DENND1A: variants seen among roughly 807,000 people sequenced by gnomAD.
DENND1A encodes DENN domain-containing protein 1A.
A neutral mutation model predicts 113.7 loss-of-function variants in DENND1A; 51 were observed. That is an observed-to-expected ratio of 0.45 (90% CI 0.36 to 0.57). DENND1A has a LOEUF of 0.57. Among genes scored for constraint, DENND1A ranks in the 20% least tolerant of loss-of-function variants. The pLI is 0.00. For missense variants in DENND1A, 1,258 were observed against 1,395.9 expected, an observed-to-expected ratio of 0.90 and a Z score of 1.57; for synonymous variants, 565 against 570.8, an observed-to-expected ratio of 0.99 and a Z score of 0.14.
intron 2 of DENND1A, among the ~76,000 whole-genome samples, chr9:123,833,265 G>T (rs1317513808): frequency 6.6e-6 from 1 of 151,850 alleles, no homozygotes; most frequent in East Asian, 1.9e-4. Flanking sequence ...GTCTTGACCT[G>T]GATGTTTTAA....
At chr9:123,538,906 T>A (rs1340411844) in intron 13 of DENND1A, among the ~76,000 whole-genome samples, 6 of 142,678 alleles carry the variant, frequency 4.2e-5, no homozygotes, top group Non-Finnish European at 9.1e-5. Flanking sequence ...CTTTGGAGGA[T>A]GATAGGGAAC....
chr9:123,901,229 G>A (rs956847358), intron 1 of DENND1A, among the ~76,000 whole-genome samples: 1 of 152,154 alleles, frequency 6.6e-6, no homozygotes, highest in African/African-American at 2.4e-5. Flanking sequence ...AGCCCAGTCA[G>A]GAGGAATTAC....
rs954666050 is a variant in DENND1A, at chr9:123,916,213, T to G, written c.17+13676A>C. ...GTACTATTGCTGTCCTACAGAGAAA[T>G]GAGGAAGAGCCCCACATTCCCTGTA... is the stretch of plus-strand genomic sequence containing the variant. On this transcript the variant is annotated intron_variant, in intron 1 of 23. Coordinates refer to ENST00000394215, the MANE Select transcript of DENND1A (RefSeq NM_001352964.2). Among the ~76,000 whole-genome samples, 4 of 151,964 alleles carry G rather than the reference T, an allele frequency of 2.6e-5. No individual in the cohort carries two copies. In the East Asian group the frequency reaches 5.8e-4, roughly 22 times the overall value.
rs141482045 is a variant in DENND1A at position 123,450,747 on chromosome 9, T to C, written c.1302A>G (p.Ala434=). The change falls in exon 18 of 24, where the codon GCA becomes GCG. Residue 434 remains alanine, a splice_region_variant and synonymous_variant. Transcript: ENST00000394215. ...TTATTCCCATTTTTGCATGATCTTT[T>C]GCCTGCATGAAAAATTAATTTAAGT... The part of the protein sequence containing the change: ...NPAMKTVYKF[A]KDHAKMGIKE... 1,556 of 1,610,782 alleles carry C rather than the reference T, an allele frequency of 9.7e-4. 1 individual carries two copies. Among genetic ancestry groups the C allele is most frequent in the Non-Finnish European group, 1.1e-3 (1,347 of 1,179,118 alleles).
intron 2 of DENND1A, among the ~76,000 whole-genome samples, chr9:123,804,682 T>C (rs1444423414): frequency 6.6e-6 from 1 of 152,224 alleles, no homozygotes; most frequent in Non-Finnish European, 1.5e-5. Flanking sequence ...GAACTCCTGA[T>C]CTTTCTCTCA....
rs574447776 is a variant in DENND1A at position 123,403,503 on chromosome 9, CA to C, written c.1543-14del. On this transcript the variant is annotated splice_polypyrimidine_tract_variant and intron_variant, in intron 20 of 23. Transcript: ENST00000394215. ...GAGGTGGGCGCACCTAGAGGAGGTA[CA>C]GGGGGAGAGCCCCAAGAAGGAGTGA... The C allele has an allele frequency of 1.6e-5, 26 of 1,612,588 alleles. No individual in the cohort carries two copies. The highest frequency in any genetic ancestry group is 2.0e-5 in the Non-Finnish European group (24 of 1,178,998).
chr9:123,887,298 G>A (rs951881235), intron 1 of DENND1A, among the ~76,000 whole-genome samples: 2 of 152,182 alleles, frequency 1.3e-5, no homozygotes, highest in Non-Finnish European at 2.9e-5. Context: ...TGAGATGTCA[G>A]AGCCTGGGCG....
At position 123,679,920 on chromosome 9, in the gene DENND1A, C is replaced by T. The variant is rs76465162; in HGVS notation, c.303-3131G>A. Among the ~76,000 whole-genome samples the T allele has an allele frequency of 5.2e-3, 797 of 152,220 alleles. 4 individuals carry two copies. Among genetic ancestry groups the T allele is most frequent in the Non-Finnish European group, 8.1e-3 (548 of 68,022 alleles). On this transcript the variant is annotated intron_variant, in intron 5 of 23. Transcript: ENST00000394215. ...GCCTCTGCCTGCTGCCTTTGTGTGA[C>T]GGCTTGAGTCCCCACTGCGGAGTAC...
chr9:123,801,254 C>T (rs1564296208), intron 2 of DENND1A, among the ~76,000 whole-genome samples: 1 of 152,186 alleles, frequency 6.6e-6, no homozygotes, highest in Non-Finnish European at 1.5e-5. Flanking sequence ...CACCACTATC[C>T]ATCTCCAGAA....
chr9:123,468,007 G>A (rs914550823), intron 13 of DENND1A, among the ~76,000 whole-genome samples: 1 of 152,156 alleles, frequency 6.6e-6, no homozygotes, highest in Non-Finnish European at 1.5e-5. Context: ...CAGATGAAGA[G>A]GACCTCATTT....
chr9:123,644,378 CAAAA>C (rs10541486), intron 9 of DENND1A, among the ~76,000 whole-genome samples: 48 of 84,072 alleles, frequency 5.7e-4, no homozygotes, highest in African/African-American at 1.1e-3. Context: ...TTACAAGCTA[CAAAA>C]AAAAAAAAAA....
In DENND1A at chr9:123,516,884, C is replaced by CA. The variant is rs546001517; in HGVS notation, c.993+40685dup. 1.1e-4 allele frequency among the ~76,000 whole-genome samples: 10 copies of CA among 93,392 alleles called. 1 individual carries two copies. Among genetic ancestry groups the CA allele is most frequent in the African/African-American group, 5.6e-4 (9 of 16,200 alleles). 61.3% of individuals were successfully genotyped at this position (93,392 alleles called of 152,430 possible). ...CTGGTGACAGAGTGAGACTCTGTCT[C>CA]AAAAAAAAAAAAAAAAAAAAAAAAA... On this transcript the variant is annotated intron_variant, in intron 13 of 23. Coordinates refer to ENST00000394215, the MANE Select transcript of DENND1A (RefSeq NM_001352964.2).
rs543327941 is a variant in DENND1A, at chr9:123,913,937, C to G, written c.17+15952G>C. 6.6e-5 allele frequency among the ~76,000 whole-genome samples: 10 copies of G among 151,524 alleles called. No homozygotes were observed. The East Asian group carries it at 1.9e-3, about 29-fold the overall frequency. On this transcript the variant is annotated intron_variant, in intron 1 of 23. Coordinates refer to ENST00000394215, the MANE Select transcript of DENND1A (RefSeq NM_001352964.2). Reference sequence around the variant, plus strand: ...AAAAAATCAAAAGCCAGATATGGACCTTTATTTTCCAGTCTCAGGCACTTT... The same window carrying G: ...AAAAAATCAAAAGCCAGATATGGACGTTTATTTTCCAGTCTCAGGCACTTT...
At chr9:123,602,416 T>A (rs2059973700) in intron 11 of DENND1A, among the ~76,000 whole-genome samples, 1 of 152,226 alleles carries the variant, frequency 6.6e-6, no homozygotes, top group Non-Finnish European at 1.5e-5. Flanking sequence ...TCTGTGGACA[T>A]GGAACCTGTG....
intron 19 of DENND1A, among the ~76,000 whole-genome samples, chr9:123,436,729 G>T (rs759338445): frequency 6.6e-5 from 10 of 151,978 alleles, no homozygotes; most frequent in Non-Finnish European, 1.0e-4. Flanking sequence ...TTATTAGCGA[G>T]TTCAGTTTGT....
At chr9:123,629,704 T>C (rs1173376905) in intron 10 of DENND1A, among the ~76,000 whole-genome samples, 2 of 152,186 alleles carry the variant, frequency 1.3e-5, no homozygotes, top group African/African-American at 2.4e-5. Flanking sequence ...ACAGTGAAAT[T>C]CTCCTCAAAG....
chr9:123,415,686 A>C (rs1273373822), intron 19 of DENND1A, among the ~76,000 whole-genome samples: 1 of 152,204 alleles, frequency 6.6e-6, no homozygotes, highest in Non-Finnish European at 1.5e-5. Flanking sequence ...TTTGGCAAGC[A>C]AGTGACTTCC....
At chr9:123,706,138 A>G (rs1370535089) in intron 5 of DENND1A, among the ~76,000 whole-genome samples, 3 of 135,436 alleles carry the variant, frequency 2.2e-5, no homozygotes, top group African/African-American at 9.2e-5. Flanking sequence ...GATACTAGAT[A>G]TTTTTTCTTT....
intron 11 of DENND1A, among the ~76,000 whole-genome samples, chr9:123,595,484 G>A (rs2059643001): frequency 6.6e-6 from 1 of 152,092 alleles, no homozygotes; most frequent in Admixed American, 6.5e-5. Context: ...TCTCCTTGTG[G>A]ATGGGCTGTG....
Sources: gnomAD v4.1 joint callset for allele counts (sites outside exome capture counted in the v4.1 genomes callset) on GRCh38, gnomAD v4.1.1 for gene constraint, MANE v1.5 for transcripts, NCBI Gene and HGNC (gene_info 2026-07-23, HGNC 2026-07-21) for gene names.